Variants in SLC38A9 observed in about 807,000 individuals in gnomAD.
The protein encoded by SLC38A9 is solute carrier family 38 member 9.
In SLC38A9, 48 loss-of-function variants were observed where a neutral mutation model predicts 62.3. The observed-to-expected ratio is 0.77, with a 90% CI of 0.61 to 0.98. The LOEUF (loss-of-function observed/expected upper bound fraction) is 0.98. SLC38A9 is among the 50% of genes least tolerant of loss of function. The probability of loss-of-function intolerance (pLI) is 0.00; values close to 1 mark genes in which losing one functional copy is unlikely to be tolerated. For synonymous variants in SLC38A9, 204 were observed against 227.7 expected, an observed-to-expected ratio of 0.90 and a Z score of 0.94; for missense variants, 541 against 679.8, an observed-to-expected ratio of 0.80 and a Z score of 2.27.
chr5:55,697,617 C>T (rs147849648), intron 3 of SLC38A9, among the ~76,000 whole-genome samples: 56 of 147,798 alleles, frequency 3.8e-4, no homozygotes, highest in African/African-American at 1.3e-3. Flanking sequence ...TGTAAAGTTA[C>T]CCCAACCACT....
intron 3 of SLC38A9, among the ~76,000 whole-genome samples, chr5:55,687,537 T>C (rs1183630733): frequency 6.6e-6 from 1 of 152,150 alleles, no homozygotes; most frequent in Non-Finnish European, 1.5e-5. Context: ...AGTATGGCCA[T>C]TTTAATGATA....
At chr5:55,652,357 C>CAAAAAAAAAAAAAAAAAA (rs60557392) in intron 10 of SLC38A9, among the ~76,000 whole-genome samples, 172 bp downstream of exon 10, 1 of 56,174 alleles carries the variant, frequency 1.8e-5, no homozygotes, top group Non-Finnish European at 3.2e-5. Flanking sequence ...AACTCCGTCT[C>CAAAAAAAAAAAAAAAAAA]AAAAAAAAAA....
At chr5:55,636,307 C>T (rs1448345354) in intron 12 of SLC38A9, among the ~76,000 whole-genome samples, 11 of 152,116 alleles carry the variant, frequency 7.2e-5, no homozygotes, top group Admixed American at 2.6e-4. Context: ...TTAAATAAAG[C>T]GGACTGCTTT....
chr5:55,626,234 C>T lies in SLC38A9; in HGVS notation c.*260G>A, dbSNP rs539397322. ...CAGCATGATTTCTTCCTAGGGCATA[C>T]ATTTCTATTCAGAAAAGACCACAGA... On this transcript the variant is annotated 3_prime_UTR_variant, in exon 16 of 16. Coordinates refer to ENST00000396865, the MANE Select transcript of SLC38A9 (RefSeq NM_173514.4). The T allele has an allele frequency of 1.1e-5, 3 of 278,446 alleles. No individual in the cohort carries two copies. The highest frequency in any genetic ancestry group is 2.2e-5 in the African/African-American group (1 of 46,074). The allele number at this position is 278,446 out of a possible 1,614,324, so 17.2% of individuals were successfully genotyped here. A position where few individuals can be genotyped will look rare whatever the true frequency, so the allele number is the denominator to read the frequency against.
chr5:55,677,814 C>T (rs1024415755), intron 3 of SLC38A9, among the ~76,000 whole-genome samples: 3 of 151,762 alleles, frequency 2.0e-5, no homozygotes, highest in African/African-American at 7.3e-5. Context: ...CAGGTGTGAG[C>T]CAACATGCCT....
In SLC38A9 at chr5:55,637,082, T is replaced by G. The variant is rs142626152; in HGVS notation, c.1168-1425A>C. The stretch of plus-strand genomic sequence containing the variant: ...CCATTATGATGGCTGAAAGTCATTC[T>G]ACACTCAACCTACTCAATGCCACTC... On this transcript the variant is annotated intron_variant, in intron 12 of 15. Transcript: ENST00000396865. Among the ~76,000 whole-genome samples, 161 of 152,316 alleles carry G rather than the reference T, an allele frequency of 1.1e-3. 1 individual carries two copies. The highest frequency in any genetic ancestry group is 3.8e-3 in the African/African-American group (158 of 41,576).
intron 9 of SLC38A9, 134 bp from the exon 10 acceptor site, chr5:55,652,857 C>T: frequency 3.3e-6 from 2 of 605,826 alleles, no homozygotes; most frequent in Non-Finnish European, 5.3e-6. Context: ...GCCTAAATTT[C>T]TCTTTTCTGG....
intron 2 of SLC38A9, among the ~76,000 whole-genome samples, chr5:55,706,664 G>C (rs1757332469): frequency 6.6e-6 from 1 of 152,082 alleles, no homozygotes; most frequent in African/African-American, 2.4e-5. Context: ...GGAGTTCAAA[G>C]TCCCTGGTGC....
chr5:55,660,418 A>G (rs1749323757), intron 8 of SLC38A9, among the ~76,000 whole-genome samples: 1 of 152,182 alleles, frequency 6.6e-6, no homozygotes, highest in African/African-American at 2.4e-5. Context: ...TCTGTCTCAA[A>G]AAAACATTCA....
rs769465008 is a variant in SLC38A9, at chr5:55,678,138, G to GTTTTTTTT, written c.114-5451_114-5444dup. 1.7e-4 allele frequency among the ~76,000 whole-genome samples: 22 copies of GTTTTTTTT among 129,470 alleles called. 4 individuals carry two copies. The highest frequency in any genetic ancestry group is 2.5e-4 in the South Asian group (1 of 3,970). The allele number at this position is 129,470 out of a possible 152,430, so 84.9% of individuals were successfully genotyped here. A position where few individuals can be genotyped will look rare whatever the true frequency, so the allele number is the denominator to read the frequency against. Reference sequence around the variant, plus strand: ...CCACAAAAGGTGAACAAGGTTACTGGTTTTTTTTTCTTTTTTTGAGACAGT... The same window carrying GTTTTTTTT: ...CCACAAAAGGTGAACAAGGTTACTGGTTTTTTTTTTTTTTTTTCTTTTTTTGAGACAGT... On this transcript the variant is annotated intron_variant, in intron 3 of 15. Coordinates refer to ENST00000396865, the MANE Select transcript of SLC38A9 (RefSeq NM_173514.4).
chr5:55,697,032 C>T (rs1331831033), intron 3 of SLC38A9: 1 of 157,628 alleles, frequency 6.3e-6, no homozygotes, highest in Non-Finnish European at 1.4e-5. Context: ...CTCCTCACTT[C>T]CCAGATGGGA....
At chr5:55,684,975 T>C (rs1186800624) in intron 3 of SLC38A9, among the ~76,000 whole-genome samples, 3 of 152,224 alleles carry the variant, frequency 2.0e-5, no homozygotes, top group Non-Finnish European at 4.4e-5. Context: ...TTTAAGCCTC[T>C]CAGCTAATAA....
chr5:55,695,311 A>G (rs1366854461), intron 3 of SLC38A9, among the ~76,000 whole-genome samples: 1 of 137,778 alleles, frequency 7.3e-6, no homozygotes, highest in Non-Finnish European at 1.6e-5. Context: ...GGTGTTTCTC[A>G]CAGAGGGGGA....
intron 3 of SLC38A9, chr5:55,696,701 T>A (rs1431366982): frequency 1.0e-5 from 1 of 97,548 alleles, no homozygotes; most frequent in Admixed American, 9.8e-5. Context: ...GGCGGGGGGC[T>A]GACCCCCCCA....
chr5:55,643,864 T>G (rs908593113), intron 12 of SLC38A9, among the ~76,000 whole-genome samples: 1 of 152,250 alleles, frequency 6.6e-6, no homozygotes. Flanking sequence ...TTCTTATGTT[T>G]AATATTTGCA....
At chr5:55,661,035 G>A (rs1000800289) in intron 8 of SLC38A9, among the ~76,000 whole-genome samples, 4 of 99,574 alleles carry the variant, frequency 4.0e-5, no homozygotes, top group African/African-American at 9.4e-5. Flanking sequence ...TTAAGATCCC[G>A]AGGAAAAAGT....
intron 2 of SLC38A9, among the ~76,000 whole-genome samples, chr5:55,707,235 G>A (rs1402408738): frequency 1.3e-5 from 2 of 152,096 alleles, no homozygotes; most frequent in African/African-American, 2.4e-5. Flanking sequence ...AAAATATCCC[G>A]AAGTTTGATG....
At chr5:55,656,241 AT>A (rs1748405836) in intron 9 of SLC38A9, among the ~76,000 whole-genome samples, 1 of 149,998 alleles carries the variant, frequency 6.7e-6, no homozygotes, top group Non-Finnish European at 1.5e-5. Flanking sequence ...GCTTCAATTT[AT>A]TTTTCCATAT....
chr5:55,700,359 C>CA (rs145225219), intron 2 of SLC38A9, among the ~76,000 whole-genome samples: 2 of 138,978 alleles, frequency 1.4e-5, no homozygotes, highest in Non-Finnish European at 1.5e-5. Flanking sequence ...ATAAAACAAG[C>CA]CAAAAAAAAA....
Sources: gnomAD v4.1 joint callset for allele counts (sites outside exome capture counted in the v4.1 genomes callset) on GRCh38, gnomAD v4.1.1 for gene constraint, MANE v1.5 for transcripts, NCBI Gene and HGNC (gene_info 2026-07-23, HGNC 2026-07-21) for gene names.